Variants in OTULIN observed in about 807,000 individuals in gnomAD.
OTULIN encodes ubiquitin thioesterase otulin.
A neutral mutation model predicts 39.6 loss-of-function variants in OTULIN; 15 were observed. The observed-to-expected ratio is 0.38, with a 90% CI of 0.25 to 0.58. OTULIN has a LOEUF of 0.58. OTULIN is among the 20% of genes least tolerant of loss of function. The probability of loss-of-function intolerance (pLI) is 0.66; values close to 1 mark genes in which losing one functional copy is unlikely to be tolerated. For missense variants in OTULIN, 319 were observed against 445.9 expected, an observed-to-expected ratio of 0.72 and a Z score of 2.56; for synonymous variants, 156 against 170.3, an observed-to-expected ratio of 0.92 and a Z score of 0.65.
the OTULIN span, chr5:14,713,451 G>A: frequency 1.3e-6 from 2 of 1,532,180 alleles, no homozygotes; most frequent in Non-Finnish European, 1.8e-6. The surrounding 1 kb of genome is among the most constrained non-coding windows in gnomAD (Gnocchi z 4.4). Flanking sequence ...AGACGTGCCT[G>A]GGGATTTCCC....
At chr5:14,691,595 ATTC>A (rs1736528690) in intron 6 of OTULIN, among the ~76,000 whole-genome samples, 4 of 147,828 alleles carry the variant, frequency 2.7e-5, no homozygotes, top group Non-Finnish European at 6.0e-5. Flanking sequence ...TGGTGAGTCC[ATTC>A]TTTTTTTTTT....
the OTULIN span, among the ~76,000 whole-genome samples, chr5:14,714,955 C>T: frequency 6.6e-6 from 1 of 152,248 alleles, no homozygotes; most frequent in South Asian, 2.1e-4. Context: ...TAGATGGTGG[C>T]ACCTTCCAGA....
At chr5:14,711,120 C>T in the OTULIN span, 53 of 1,247,244 alleles carry the variant, frequency 4.2e-5, no homozygotes, top group East Asian at 3.9e-4. Flanking sequence ...GAACAAAATA[C>T]GATGGGAGAG....
rs1579983149 is a variant in OTULIN at position 14,697,504 on chromosome 5, A to G, written c.*4456A>G. Reference sequence around the variant, plus strand: ...ATGTATTGTATTTTTTTCAGGTTATATTGAAATCTACTACCAGGAATGTCG... The same window carrying G: ...ATGTATTGTATTTTTTTCAGGTTATGTTGAAATCTACTACCAGGAATGTCG... On this transcript the variant is annotated 3_prime_UTR_variant, in exon 7 of 7. Transcript: ENST00000284274. 1 of 152,054 alleles carries G rather than the reference A, an allele frequency of 6.6e-6. No homozygotes were observed. Among genetic ancestry groups the G allele is most frequent in the South Asian group, 2.1e-4 (1 of 4,812 alleles). 9.4% of individuals were successfully genotyped at this position (152,054 alleles called of 1,614,324 possible). A position where few individuals can be genotyped will look rare whatever the true frequency, so the allele number is the denominator to read the frequency against.
chr5:14,678,723 A>T lies in OTULIN; in HGVS notation c.272A>T (p.Tyr91Phe). The T allele has an allele frequency of 6.2e-7, 1 of 1,608,738 alleles. No homozygotes were observed. Among genetic ancestry groups the T allele is most frequent in the South Asian group, 1.1e-5 (1 of 89,170 alleles). Residue 91 changes from tyrosine to phenylalanine, a missense_variant, in exon 3 of 7, where the codon TAC (tyrosine) becomes TTC (phenylalanine). Coordinates refer to ENST00000284274, the MANE Select transcript of OTULIN (RefSeq NM_138348.6). ...SVAPEMDIMD[Y>F]CKKEWRGNTQ... is the part of the protein sequence containing the mutation. ...GCTCCTGAAATGGATATCATGGACT[A>T]CTGCAAAAAAGAATGGAGAGGAAAT... is the stretch of plus-strand genomic sequence containing the variant.
At chr5:14,685,455 C>T (rs563472764) in intron 4 of OTULIN, among the ~76,000 whole-genome samples, 6 of 152,290 alleles carry the variant, frequency 3.9e-5, no homozygotes, top group South Asian at 2.1e-4. Context: ...AGGTTATTTA[C>T]GTGTGTTCCA....
chr5:14,681,268 A>G (rs2126311006), intron 3 of OTULIN, among the ~76,000 whole-genome samples, 196 bp from the exon 4 acceptor site: 1 of 152,000 alleles, frequency 6.6e-6, no homozygotes, highest in East Asian at 1.9e-4. Flanking sequence ...GGTCATTTGA[A>G]ACACAGAGTA....
At chr5:14,670,778 T>G (rs1483283355) in intron 1 of OTULIN, among the ~76,000 whole-genome samples, 4 of 152,188 alleles carry the variant, frequency 2.6e-5, no homozygotes, top group African/African-American at 7.2e-5. Flanking sequence ...TTAATTTTTT[T>G]TTTTTTTTGT....
rs1012139919 is a variant in OTULIN at position 14,695,007 on chromosome 5, T to A, written c.*1959T>A. 76 of 152,238 alleles carry A rather than the reference T, an allele frequency of 5.0e-4. No homozygotes were observed. Among genetic ancestry groups the A allele is most frequent in the African/African-American group, 1.7e-3 (69 of 41,462 alleles). The allele number at this position is 152,238 out of a possible 1,614,324, so 9.4% of individuals were successfully genotyped here. On this transcript the variant is annotated 3_prime_UTR_variant, in exon 7 of 7. Coordinates refer to ENST00000284274, the MANE Select transcript of OTULIN (RefSeq NM_138348.6). ...TACATTGAATCTGACCATCAGTTTATATATGTCATTGAATTTTAAGAATAC... is the reference window on the plus strand; with the variant it reads ...TACATTGAATCTGACCATCAGTTTAAATATGTCATTGAATTTTAAGAATAC...
rs752319331 is a variant in OTULIN, at chr5:14,690,130, A to G, written c.686A>G (p.Tyr229Cys). The change falls in exon 6 of 7, where the codon TAT (tyrosine) becomes TGT (cysteine). Residue 229 changes from tyrosine (Y) to cysteine (C), a missense_variant. Physicochemically the swap from Tyr to Cys is radical, Grantham distance 194 (BLOSUM62 -2). Coordinates refer to ENST00000284274, the MANE Select transcript of OTULIN (RefSeq NM_138348.6). The surrounding 1 kb of genome is among the most constrained non-coding windows in gnomAD (Gnocchi z 4.5). ...FTNEAEEYSL[Y>C]EAVKFLMLNR... ...AATGAGGCGGAGGAATATAGCCTCT[A>G]TGAAGCTGTAAAATTTCTAATGCTA... The G allele has an allele frequency of 1.2e-6, 2 of 1,614,148 alleles. No individual in the cohort carries two copies. The highest frequency in any genetic ancestry group is 1.1e-5 in the South Asian group (1 of 91,082).
chr5:14,666,652 A>G (rs1172084167), intron 1 of OTULIN, among the ~76,000 whole-genome samples: 1 of 152,112 alleles, frequency 6.6e-6, no homozygotes, highest in Non-Finnish European at 1.5e-5. Context: ...GGTTTTTAGC[A>G]GCTTAATTTT....
chr5:14,664,719 G>A lies in OTULIN; in HGVS notation c.-107G>A, dbSNP rs1012446357. On this transcript the variant is annotated 5_prime_UTR_variant, in exon 1 of 7. Coordinates refer to ENST00000284274, the MANE Select transcript of OTULIN (RefSeq NM_138348.6). ...CGCGGAAGCGCTCTGCGGGCCCTCG[G>A]AAACCGCCCCGGCGGCTGAGAGGCT... 81 of 1,067,122 alleles carry A rather than the reference G, an allele frequency of 7.6e-5. No individual in the cohort carries two copies. The highest frequency in any genetic ancestry group is 8.9e-5 in the Non-Finnish European group (78 of 877,762). 66.1% of individuals were successfully genotyped at this position (1,067,122 alleles called of 1,614,324 possible). A position where few individuals can be genotyped will look rare whatever the true frequency, so the allele number is the denominator to read the frequency against.
chr5:14,707,191 AT>A, the OTULIN span: 1 of 152,178 alleles, frequency 6.6e-6, no homozygotes, highest in African/African-American at 2.4e-5. Context: ...AAGTAGAAAG[AT>A]TTTTAAATAC....
intron 3 of OTULIN, among the ~76,000 whole-genome samples, chr5:14,680,824 A>G (rs192211908): frequency 1.2e-4 from 19 of 152,296 alleles, no homozygotes; most frequent in Admixed American, 1.0e-3. Flanking sequence ...TTTGGGAGGC[A>G]GAAGCAGGTG....
At chr5:14,679,974 T>C (rs571880968) in intron 3 of OTULIN, among the ~76,000 whole-genome samples, 2 of 152,354 alleles carry the variant, frequency 1.3e-5, no homozygotes, top group East Asian at 1.9e-4. Flanking sequence ...AATTAGAGCA[T>C]CTCAGATGCC....
chr5:14,669,313 C>T (rs1041578214), intron 1 of OTULIN, among the ~76,000 whole-genome samples: 1 of 151,918 alleles, frequency 6.6e-6, no homozygotes, highest in Admixed American at 6.6e-5. Flanking sequence ...TGCAGTGAGC[C>T]GAGACTGCGC....
chr5:14,704,296 C>T (rs941771190), downstream of OTULIN, among the ~76,000 whole-genome samples: 2 of 134,030 alleles, frequency 1.5e-5, no homozygotes, highest in African/African-American at 5.6e-5. Flanking sequence ...CGCCACTGCA[C>T]TCCAGCCTGG....
chr5:14,683,518 C>T (rs1044710304), intron 4 of OTULIN, among the ~76,000 whole-genome samples: 1 of 152,120 alleles, frequency 6.6e-6, no homozygotes, highest in Admixed American at 6.5e-5. Flanking sequence ...ACTGTTTTTG[C>T]TTTGCCTTAT....
At chr5:14,679,914 T>C (rs1352513746) in intron 3 of OTULIN, among the ~76,000 whole-genome samples, 1 of 111,504 alleles carries the variant, frequency 9.0e-6, no homozygotes, top group Non-Finnish European at 2.0e-5. Flanking sequence ...AATATGCTGT[T>C]GGTCACTTGC....
Sources: gnomAD v4.1 joint callset for allele counts (sites outside exome capture counted in the v4.1 genomes callset) on GRCh38, gnomAD v4.1.1 for gene constraint, Gnocchi (gnomAD v3.1) non-coding constraint, MANE v1.5 for transcripts, NCBI Gene and HGNC (gene_info 2026-07-23, HGNC 2026-07-21) for gene names.